The following SPAG16 variants were observed in gnomAD, a reference collection of about 807,000 sequenced individuals.
SPAG16 encodes sperm-associated antigen 16 protein.
SPAG16 carries 86 observed loss-of-function variants against 80.4 expected under a neutral mutation model. The ratio of observed to expected loss-of-function variants is 1.07; its 90% CI spans 0.90 to 1.28. SPAG16 has a LOEUF of 1.28. Among genes scored for constraint, SPAG16 ranks in the 50% most tolerant of loss-of-function variants. The pLI is 0.00. For missense variants in SPAG16, 870 were observed against 765.3 expected (o/e 1.14, Z -1.61); for synonymous variants, 294 against 265.9 (o/e 1.11, Z -1.03).
chr2:213,375,148 G>A, intron 9 of SPAG16, 29 bp downstream of exon 9: 2 of 1,453,970 alleles, frequency 1.4e-6, no homozygotes, highest in South Asian at 1.2e-5. Flanking sequence ...TTTGCATTAA[G>A]TCATACTTAA....
intron 10 of SPAG16, among the ~76,000 whole-genome samples, chr2:213,836,377 A>G (rs2074082402): frequency 1.3e-5 from 2 of 152,168 alleles, no homozygotes; most frequent in Admixed American, 6.6e-5. Context: ...TCTATTGTCT[A>G]AGAGAGGTAT....
intron 13 of SPAG16, among the ~76,000 whole-genome samples, chr2:214,095,315 A>G (rs1159052541): frequency 6.6e-6 from 1 of 151,966 alleles, no homozygotes; most frequent in African/African-American, 2.4e-5. Flanking sequence ...AAACCCCCCC[A>G]GAAACCTTTT....
chr2:213,964,787 C>T (rs2044623210), intron 12 of SPAG16, among the ~76,000 whole-genome samples: 1 of 152,190 alleles, frequency 6.6e-6, no homozygotes, highest in Non-Finnish European at 1.5e-5. Flanking sequence ...AATATTTTCA[C>T]TCTAATTATT....
intron 12 of SPAG16, among the ~76,000 whole-genome samples, chr2:213,965,276 G>T (rs560052179): frequency 6.2e-4 from 95 of 152,270 alleles, no homozygotes; most frequent in African/African-American, 2.1e-3. Context: ...CAGAGTCCCT[G>T]GGGTTCAACT....
At chr2:213,732,332 C>G (rs1478811031) in intron 10 of SPAG16, among the ~76,000 whole-genome samples, 1 of 55,644 alleles carries the variant, frequency 1.8e-5, no homozygotes, top group Non-Finnish European at 4.6e-5. Flanking sequence ...TCACGATTGC[C>G]CCCCCCGCAA....
At chr2:213,938,544 T>G (rs1306238076) in intron 12 of SPAG16, among the ~76,000 whole-genome samples, 3 of 152,040 alleles carry the variant, frequency 2.0e-5, no homozygotes, top group Non-Finnish European at 2.9e-5. Context: ...TTTATTTATG[T>G]GTTATCTATG....
In SPAG16 at chr2:213,503,774, A is replaced by G. The variant is rs111860144; in HGVS notation, c.1070+13684A>G. On this transcript the variant is annotated intron_variant, in intron 10 of 15. Coordinates refer to ENST00000331683, the MANE Select transcript of SPAG16 (RefSeq NM_024532.5). ...AAATGGTAAAATACAGAGGTTTAAG[A>G]GTTTAAAATTAAATAAATTAAAATG... 7.3e-4 allele frequency among the ~76,000 whole-genome samples: 111 copies of G among 152,354 alleles called. 2 individuals are homozygous for G. The highest frequency in any genetic ancestry group is 3.4e-3 in the Middle Eastern group (1 of 294).
At chr2:213,866,773 T>C (rs1452974424) in intron 11 of SPAG16, among the ~76,000 whole-genome samples, 1 of 152,242 alleles carries the variant, frequency 6.6e-6, no homozygotes, top group Non-Finnish European at 1.5e-5. Flanking sequence ...CATCTGTCTA[T>C]GGAAGCTTAA....
chr2:213,364,186 T>C (rs778439162), intron 8 of SPAG16, 41 bp downstream of exon 8: 10 of 1,246,476 alleles, frequency 8.0e-6, no homozygotes, highest in Non-Finnish European at 8.7e-6. Context: ...TAATATAGTT[T>C]GGTGATTTCT....
chr2:214,041,244 A>C (rs75054223), intron 13 of SPAG16, among the ~76,000 whole-genome samples: 4,056 of 151,706 alleles, frequency 0.027, 141 homozygotes, highest in East Asian at 0.16. Context: ...TCCATACCTC[A>C]AAGTGTTTGT....
At chr2:213,449,434 T>A (rs2071553193) in intron 9 of SPAG16, among the ~76,000 whole-genome samples, 1 of 152,172 alleles carries the variant, frequency 6.6e-6, no homozygotes, top group African/African-American at 2.4e-5. Context: ...TACCCTCTGT[T>A]CTTACACCCC....
At chr2:214,272,626 C>CT (rs1692118551) in intron 15 of SPAG16, among the ~76,000 whole-genome samples, 1 of 152,104 alleles carries the variant, frequency 6.6e-6, no homozygotes, top group Non-Finnish European at 1.5e-5. Flanking sequence ...TGAACTCATC[C>CT]TTTTTTATGG....
intron 11 of SPAG16, among the ~76,000 whole-genome samples, chr2:213,873,659 C>G (rs1379001162): frequency 6.6e-6 from 1 of 151,886 alleles, no homozygotes; most frequent in Non-Finnish European, 1.5e-5. Context: ...CTAGAATTAT[C>G]CTATAAGTTT....
At chr2:213,965,341 G>A (rs1436080693) in intron 12 of SPAG16, among the ~76,000 whole-genome samples, 3 of 152,158 alleles carry the variant, frequency 2.0e-5, no homozygotes, top group Admixed American at 6.5e-5. Context: ...ATCGTAAGTC[G>A]AGAAGCATCT....
At chr2:213,933,002 CAG>C (rs1229284639) in intron 12 of SPAG16, among the ~76,000 whole-genome samples, 10 of 142,312 alleles carry the variant, frequency 7.0e-5, no homozygotes, top group Non-Finnish European at 1.5e-4. Context: ...CAGTGTAACC[CAG>C]AGAGTGCTTG....
chr2:213,556,297 C>CAAA (rs35316956), intron 10 of SPAG16, among the ~76,000 whole-genome samples: 5 of 79,710 alleles, frequency 6.3e-5, no homozygotes, highest in African/African-American at 1.1e-4. Context: ...CTGAATGGGT[C>CAAA]AAAAAAAAAA....
At chr2:213,407,660 GA>G (rs1375748926) in intron 9 of SPAG16, among the ~76,000 whole-genome samples, 4 of 149,328 alleles carry the variant, frequency 2.7e-5, no homozygotes, top group African/African-American at 2.5e-5. Context: ...AGGAGAGAGA[GA>G]GGGGGAGAGA....
intron 12 of SPAG16, among the ~76,000 whole-genome samples, chr2:214,003,417 A>G (rs1335330066): frequency 6.6e-6 from 1 of 152,210 alleles, no homozygotes; most frequent in Non-Finnish European, 1.5e-5. Context: ...TATGTGAACA[A>G]TCAGGAAGGT....
intron 12 of SPAG16, among the ~76,000 whole-genome samples, chr2:213,951,269 C>CT (rs1296149329): frequency 6.6e-6 from 1 of 151,956 alleles, no homozygotes; most frequent in Non-Finnish European, 1.5e-5. Context: ...TTTATAAAAG[C>CT]TTGTAGCATT....
Sources: gnomAD v4.1 joint callset for allele counts (sites outside exome capture counted in the v4.1 genomes callset) on GRCh38, gnomAD v4.1.1 for gene constraint, MANE v1.5 for transcripts, NCBI Gene and HGNC (gene_info 2026-07-23, HGNC 2026-07-21) for gene names.